The following IRAK1BP1 variants were observed in gnomAD, a reference collection of about 807,000 sequenced individuals.
IRAK1BP1 encodes the protein interleukin 1 receptor associated kinase 1 binding protein 1, also known as interleukin-1 receptor-associated kinase 1-binding protein 1.
IRAK1BP1 carries 24 observed loss-of-function variants against 28.0 expected under a neutral mutation model. The ratio of observed to expected loss-of-function variants is 0.86; its 90% CI spans 0.62 to 1.20. The LOEUF (loss-of-function observed/expected upper bound fraction) is 1.20. Ranked by LOEUF, IRAK1BP1 falls within the 50% of genes most tolerant of loss-of-function variation. The probability of loss-of-function intolerance (pLI) is 0.00; values close to 1 mark genes in which losing one functional copy is unlikely to be tolerated. For synonymous variants in IRAK1BP1, 131 were observed against 116.3 expected (o/e 1.13, Z -0.81); for missense variants, 336 against 316.7 (o/e 1.06, Z -0.46).
In IRAK1BP1 at chr6:78,898,224, A is replaced by G. The variant is rs371207110; in HGVS notation, c.673A>G (p.Ser225Gly). The change falls in exon 4 of 4, where the codon AGT becomes GGT. Residue 225 changes from serine (S) to glycine (G), a missense_variant. Physicochemically the swap from Ser to Gly is moderately conservative, Grantham distance 56. Coordinates refer to ENST00000369940, the MANE Select transcript of IRAK1BP1 (RefSeq NM_001010844.4). ...IDDHQSSRLS[S>G]SLTVQQKIKS... ...TGATCACCAGTCATCCAGACTCTCAAGTTCATTAACTGTACAACAAAAAAT... is the reference window on the plus strand; with the variant it reads ...TGATCACCAGTCATCCAGACTCTCAGGTTCATTAACTGTACAACAAAAAAT... 1.9e-6 allele frequency: 3 copies of G among 1,613,650 alleles called. No homozygotes were observed. The highest frequency in any genetic ancestry group is 2.7e-5 in the African/African-American group (2 of 74,826).
At chr6:78,955,568 A>T in the IRAK1BP1 span, 1 of 671,218 alleles carries the variant, frequency 1.5e-6, no homozygotes, top group Admixed American at 2.7e-5. Context: ...AAATTTTTTT[A>T]TATAGAGAAT....
chr6:78,884,076 A>G (rs897824167), intron 1 of IRAK1BP1, among the ~76,000 whole-genome samples: 1 of 152,166 alleles, frequency 6.6e-6, no homozygotes, highest in African/African-American at 2.4e-5. Flanking sequence ...AATTTTCCAC[A>G]ATGAGTAGGT....
At chr6:78,961,388 A>AAT in the IRAK1BP1 span, among the ~76,000 whole-genome samples, 1 of 152,248 alleles carries the variant, frequency 6.6e-6, no homozygotes, top group South Asian at 2.1e-4. Flanking sequence ...TATAAAATAC[A>AAT]ATATAAAGAC....
At chr6:78,930,498 A>G (rs1773014598) in intron 4 of IRAK1BP1, among the ~76,000 whole-genome samples, 1 of 152,194 alleles carries the variant, frequency 6.6e-6, no homozygotes, top group Non-Finnish European at 1.5e-5. Flanking sequence ...TTCTACAAAA[A>G]TACTTGCATA....
chr6:78,876,444 A>G (rs1008843034), intron 1 of IRAK1BP1, among the ~76,000 whole-genome samples: 1 of 152,068 alleles, frequency 6.6e-6, no homozygotes, highest in African/African-American at 2.4e-5. Context: ...TTGTCTTAAA[A>G]CTCTGCCTTT....
chr6:78,963,055 G>A, the IRAK1BP1 span: 7 of 1,524,662 alleles, frequency 4.6e-6, no homozygotes, highest in East Asian at 1.4e-4. Context: ...ATTACTTTGT[G>A]TTCTGCCAGT....
At chr6:78,915,402 A>T (rs1333173172) in intron 4 of IRAK1BP1, among the ~76,000 whole-genome samples, 1 of 152,230 alleles carries the variant, frequency 6.6e-6, no homozygotes, top group African/African-American at 2.4e-5. Flanking sequence ...AAAGCATGTT[A>T]TAGTGGCCAA....
chr6:78,955,873 A>C, the IRAK1BP1 span: 1 of 333,296 alleles, frequency 3.0e-6, no homozygotes, highest in Non-Finnish European at 5.5e-6. Context: ...TAGAGCTTTC[A>C]GTGTGGCCTC....
In IRAK1BP1 at chr6:78,940,918, A is replaced by C; in HGVS notation, c.*68-4490A>C. On this transcript the variant is annotated intron_variant and NMD_transcript_variant, in intron 4 of 4. Transcript: ENST00000606868. Reference sequence around the variant, plus strand: ...ACTCTTCTTCCTCATCTATAGGATCATCTATCTTTTTTCGGTTACTTCTCC... The same window carrying C: ...ACTCTTCTTCCTCATCTATAGGATCCTCTATCTTTTTTCGGTTACTTCTCC... The C allele has an allele frequency of 6.2e-7, 1 of 1,613,804 alleles. No homozygotes were observed. Among genetic ancestry groups the C allele is most frequent in the South Asian group, 1.1e-5 (1 of 91,066 alleles).
intron 1 of IRAK1BP1, among the ~76,000 whole-genome samples, chr6:78,869,847 G>A (rs149036874): frequency 6.6e-6 from 1 of 151,350 alleles, no homozygotes; most frequent in African/African-American, 2.4e-5. Flanking sequence ...GGTGGCTCAC[G>A]CCTGTAATCC....
intron 4 of IRAK1BP1, among the ~76,000 whole-genome samples, chr6:78,941,831 T>G (rs1030492493): frequency 5.9e-5 from 9 of 152,188 alleles, no homozygotes; most frequent in Non-Finnish European, 1.0e-4. Context: ...TGTGCCACCA[T>G]TATCATGATT....
At chr6:78,974,704 C>G in the IRAK1BP1 span, among the ~76,000 whole-genome samples, 8 of 152,044 alleles carry the variant, frequency 5.3e-5, no homozygotes, top group Non-Finnish European at 1.2e-4. Flanking sequence ...ACCACCGATC[C>G]CACAGAAATA....
At position 78,898,411 on chromosome 6, in the gene IRAK1BP1, A is replaced by AATAT. The variant is rs58937738; in HGVS notation, c.*108_*111dup. 2,382 of 86,438 alleles carry AATAT rather than the reference A, an allele frequency of 0.028. 134 individuals carry two copies. Among genetic ancestry groups the AATAT allele is most frequent in the African/African-American group, 0.056 (863 of 15,446 alleles). The allele number at this position is 86,438 out of a possible 1,614,324, so 5.4% of individuals were successfully genotyped here. ...TTTTATAATGTTTACGTTTGTCCTG[A>AATAT]ATATATATATATATATATATATATA... On this transcript the variant is annotated 3_prime_UTR_variant, in exon 4 of 4. Transcript: ENST00000369940.
chr6:78,895,288 A>G (rs1771839757), intron 2 of IRAK1BP1, among the ~76,000 whole-genome samples: 1 of 152,190 alleles, frequency 6.6e-6, no homozygotes, highest in South Asian at 2.1e-4. Flanking sequence ...TAGAAAGTGT[A>G]TAAGGAAGAA....
At chr6:78,926,874 G>A (rs1772903945) in intron 4 of IRAK1BP1, among the ~76,000 whole-genome samples, 1 of 152,052 alleles carries the variant, frequency 6.6e-6, no homozygotes, top group Non-Finnish European at 1.5e-5. Flanking sequence ...CAAATGGCAG[G>A]ATCTTATTCT....
the IRAK1BP1 span, among the ~76,000 whole-genome samples, chr6:78,974,094 C>A: frequency 1.3e-5 from 2 of 152,126 alleles, no homozygotes; most frequent in Non-Finnish European, 2.9e-5. Flanking sequence ...CACCACACCA[C>A]ACCTATTCCA....
At chr6:78,947,868 G>C (rs781412491), downstream of IRAK1BP1, 25 of 781,182 alleles carry the variant, frequency 3.2e-5, no homozygotes, top group Non-Finnish European at 5.1e-5. Flanking sequence ...TATGATGACT[G>C]CAAGTCCTAG....
the IRAK1BP1 span, among the ~76,000 whole-genome samples, chr6:78,968,488 C>T: frequency 1.3e-5 from 2 of 152,150 alleles, no homozygotes; most frequent in Admixed American, 6.5e-5. Flanking sequence ...CTTTTCACAT[C>T]GGGGGGTTCC....
chr6:78,969,427 G>C, the IRAK1BP1 span, among the ~76,000 whole-genome samples: 5 of 152,086 alleles, frequency 3.3e-5, no homozygotes, highest in Admixed American at 6.5e-5. Context: ...TTTGAGACTT[G>C]TTTATGATAC....
Sources: gnomAD v4.1 joint callset for allele counts (sites outside exome capture counted in the v4.1 genomes callset) on GRCh38, gnomAD v4.1.1 for gene constraint, MANE v1.5 for transcripts, NCBI Gene and HGNC (gene_info 2026-07-23, HGNC 2026-07-21) for gene names.